The following GPC5 variants were observed in gnomAD, a reference collection of about 807,000 sequenced individuals.
GPC5 encodes the protein glypican 5.
In GPC5, 47 loss-of-function variants were observed where a neutral mutation model predicts 53.9. The ratio of observed to expected loss-of-function variants is 0.87; its 90% confidence interval spans 0.69 to 1.11. GPC5 has a LOEUF of 1.11. Among genes scored for constraint, GPC5 ranks in the 50% most tolerant of loss-of-function variants. The pLI, the probability that GPC5 is intolerant of heterozygous loss-of-function variation, is 0.00. For synonymous variants in GPC5, 286 were observed against 263.3 expected (o/e 1.09, Z -0.84); for missense variants, 748 against 713.1 (o/e 1.05, Z -0.56).
At chr13:91,912,505 T>A (rs1232693135) in intron 6 of GPC5, among the ~76,000 whole-genome samples, 2 of 152,206 alleles carry the variant, frequency 1.3e-5, no homozygotes, top group Non-Finnish European at 2.9e-5. Context: ...CTTTTTTCTA[T>A]ACTTAATTAT....
intron 7 of GPC5, among the ~76,000 whole-genome samples, chr13:92,510,988 C>G (rs1880542912): frequency 6.6e-6 from 1 of 152,032 alleles, no homozygotes; most frequent in Admixed American, 6.6e-5. Context: ...GTAGATCATT[C>G]CCATCATTTG....
At chr13:91,868,043 T>A (rs1323464188) in intron 5 of GPC5, among the ~76,000 whole-genome samples, 1 of 152,162 alleles carries the variant, frequency 6.6e-6, no homozygotes, top group Non-Finnish European at 1.5e-5. Context: ...AAATGGTGTG[T>A]TTAAACTGTT....
rs79754903 is a variant in GPC5, at chr13:92,051,867, T to C, written c.1402-92963T>C. ...AGGGGTCAGATGTGGAAAGAGAACA[T>C]TGATGGCAGGACTCTTTTTTTAGAG... On this transcript the variant is annotated intron_variant, in intron 6 of 7. Coordinates refer to ENST00000377067, the MANE Select transcript of GPC5 (RefSeq NM_004466.6). Among the ~76,000 whole-genome samples, 18 of 152,324 alleles carry C rather than the reference T, an allele frequency of 1.2e-4. No individual in the cohort carries two copies. The East Asian group carries it at 3.5e-3, about 29-fold the overall frequency.
intron 7 of GPC5, among the ~76,000 whole-genome samples, chr13:92,685,480 T>A (rs187614737): frequency 2.0e-5 from 3 of 151,902 alleles, no homozygotes; most frequent in East Asian, 3.9e-4. Flanking sequence ...TGATGTCTGA[T>A]AAGGCAAGTC....
chr13:91,989,408 G>C (rs2040436937), intron 6 of GPC5, among the ~76,000 whole-genome samples: 1 of 152,156 alleles, frequency 6.6e-6, no homozygotes. Flanking sequence ...AAATTGAACT[G>C]ATGCTACCTG....
At chr13:92,182,796 C>A (rs1021175936) in intron 7 of GPC5, among the ~76,000 whole-genome samples, 3 of 151,054 alleles carry the variant, frequency 2.0e-5, no homozygotes, top group Non-Finnish European at 4.4e-5. Context: ...GTGAACCCGG[C>A]AGGCAGAGCT....
chr13:92,456,784 C>G (rs1368405599), intron 7 of GPC5, among the ~76,000 whole-genome samples: 3 of 152,166 alleles, frequency 2.0e-5, no homozygotes, highest in African/African-American at 7.2e-5. Flanking sequence ...CAGTCTATCT[C>G]TTACATCAGG....
At chr13:92,769,338 A>G (rs1875525905) in intron 7 of GPC5, among the ~76,000 whole-genome samples, 1 of 151,978 alleles carries the variant, frequency 6.6e-6, no homozygotes, top group Non-Finnish European at 1.5e-5. Flanking sequence ...CATGCTTTCT[A>G]TATACTGCAA....
chr13:92,538,299 C>T (rs909216579), intron 7 of GPC5, among the ~76,000 whole-genome samples: 1 of 151,442 alleles, frequency 6.6e-6, no homozygotes, highest in African/African-American at 2.4e-5. Flanking sequence ...TTCTTCCCTT[C>T]TCTTTCCTTC....
At chr13:91,869,355 G>A (rs1041984769) in intron 5 of GPC5, among the ~76,000 whole-genome samples, 10 of 152,162 alleles carry the variant, frequency 6.6e-5, no homozygotes, top group Non-Finnish European at 1.0e-4. Context: ...CACCTCGCCA[G>A]CAATGGTGTT....
At chr13:91,527,211 T>G (rs1450879165) in intron 2 of GPC5, among the ~76,000 whole-genome samples, 10 of 152,204 alleles carry the variant, frequency 6.6e-5, no homozygotes, top group Admixed American at 3.3e-4. Flanking sequence ...CTTCCAACTA[T>G]GAGCCTGTAA....
intron 1 of GPC5, among the ~76,000 whole-genome samples, chr13:91,405,911 G>A (rs897433064): frequency 1.3e-5 from 2 of 152,028 alleles, no homozygotes; most frequent in Non-Finnish European, 1.5e-5. Flanking sequence ...AGCTGGGCCC[G>A]TAGGTGCATG....
intron 7 of GPC5, among the ~76,000 whole-genome samples, chr13:92,752,601 C>T (rs1420782579): frequency 6.6e-6 from 1 of 152,086 alleles, no homozygotes; most frequent in Non-Finnish European, 1.5e-5. Context: ...CTAGGGAGTG[C>T]CAGACAGTGG....
At chr13:92,506,538 C>G (rs1359371213) in intron 7 of GPC5, among the ~76,000 whole-genome samples, 1 of 152,102 alleles carries the variant, frequency 6.6e-6, no homozygotes, top group East Asian at 1.9e-4. Flanking sequence ...AACTTCTTGA[C>G]AGTGACCAGA....
At chr13:92,534,413 G>T (rs1227481382) in intron 7 of GPC5, among the ~76,000 whole-genome samples, 2 of 152,138 alleles carry the variant, frequency 1.3e-5, no homozygotes, top group Non-Finnish European at 2.9e-5. Context: ...AAACAGTTGG[G>T]CAAAGGAGGT....
intron 7 of GPC5, among the ~76,000 whole-genome samples, chr13:92,814,379 G>A (rs1051715090): frequency 4.0e-5 from 6 of 151,852 alleles, no homozygotes; most frequent in African/African-American, 1.5e-4. Flanking sequence ...AAACTTCATC[G>A]GCTGGGCATG....
intron 2 of GPC5, among the ~76,000 whole-genome samples, chr13:91,600,987 C>T (rs1227812906): frequency 6.6e-6 from 1 of 152,064 alleles, no homozygotes; most frequent in Non-Finnish European, 1.5e-5. Context: ...ATAATTACAG[C>T]ATTTTGTTAA....
At chr13:92,079,170 G>A (rs2041275661) in intron 6 of GPC5, among the ~76,000 whole-genome samples, 2 of 152,096 alleles carry the variant, frequency 1.3e-5, no homozygotes, top group Non-Finnish European at 1.5e-5. Flanking sequence ...TCCTGCCTCA[G>A]TCTCCTTAGT....
intron 5 of GPC5, among the ~76,000 whole-genome samples, chr13:91,826,502 C>T (rs2038578716): frequency 6.6e-6 from 1 of 151,712 alleles, no homozygotes; most frequent in South Asian, 2.1e-4. Context: ...AGTAAAATAC[C>T]AAAGTCTCAA....
Sources: allele counts gnomAD v4.1 joint callset (sites outside exome capture counted in the v4.1 genomes callset), GRCh38; gene constraint gnomAD v4.1.1; transcripts MANE v1.5; gene names NCBI Gene and HGNC (gene_info 2026-07-23, HGNC 2026-07-21).